Variants in UHRF1 observed in about 807,000 individuals in gnomAD.
UHRF1 encodes E3 ubiquitin-protein ligase UHRF1.
Under a neutral mutation model 96.5 loss-of-function variants are expected in UHRF1, and 9 were observed. The ratio of observed to expected loss-of-function variants is 0.09; its 90% confidence interval spans 0.06 to 0.16. The LOEUF (loss-of-function observed/expected upper bound fraction) is 0.16. Ranked by LOEUF, UHRF1 falls within the 10% of genes least tolerant of loss-of-function variation. UHRF1 has a pLI of 1.00. For synonymous variants in UHRF1, 455 were observed against 469.9 expected (o/e 0.97, Z 0.41); for missense variants, 626 against 1,131.1 (o/e 0.55, Z 6.40).
intron 16 of UHRF1, among the ~76,000 whole-genome samples, chr19:4,957,166 G>A (rs17880728): frequency 6.6e-6 from 1 of 152,148 alleles, no homozygotes; most frequent in Non-Finnish European, 1.5e-5. Flanking sequence ...GACAGCAGGT[G>A]AAGAAGCCTG....
At chr19:4,941,975 T>G in intron 7 of UHRF1, 44 bp downstream of exon 7, 1 of 1,434,438 alleles carries the variant, frequency 7.0e-7, no homozygotes, top group Non-Finnish European at 9.2e-7. Context: ...GAGCGCCCCC[T>G]ACAAATCCCC....
In UHRF1 at chr19:4,909,524, C is replaced by T. The variant is rs1420285651; in HGVS notation, c.-142C>T. On this transcript the variant is annotated 5_prime_UTR_variant, in exon 1 of 17. Transcript: ENST00000650932. ...TCAGAGCAGCTGGCAGCGCGGCGGGCAGCGTTTGCCGAGCGGGCGCTCCGG... is the reference window on the plus strand; with the variant it reads ...TCAGAGCAGCTGGCAGCGCGGCGGGTAGCGTTTGCCGAGCGGGCGCTCCGG... 30 of 658,210 alleles carry T rather than the reference C, an allele frequency of 4.6e-5. No individual in the cohort carries two copies. The highest frequency in any genetic ancestry group is 4.7e-5 in the Non-Finnish European group (17 of 365,186). The allele number at this position is 658,210 out of a possible 1,614,324, so 40.8% of individuals were successfully genotyped here.
intron 16 of UHRF1, among the ~76,000 whole-genome samples, chr19:4,958,806 T>C (rs1277005784): frequency 6.6e-6 from 1 of 152,002 alleles, no homozygotes; most frequent in South Asian, 2.1e-4. Context: ...ACCCCATCTC[T>C]ACTAAAAATT....
intron 2 of UHRF1, among the ~76,000 whole-genome samples, chr19:4,928,003 A>C (rs1293347686): frequency 2.6e-5 from 4 of 152,184 alleles, no homozygotes; most frequent in Non-Finnish European, 5.9e-5. Flanking sequence ...TAATGCGTGC[A>C]GCCTCCTGGG....
chr19:4,927,262 C>A (rs977453274), intron 2 of UHRF1, among the ~76,000 whole-genome samples: 2 of 150,512 alleles, frequency 1.3e-5, no homozygotes, highest in African/African-American at 4.9e-5. Flanking sequence ...TGCCTATAGT[C>A]CCAAGCTACT....
rs1002524654 is a variant in UHRF1, at chr19:4,915,031, C to A, written c.153+3993C>A. Among the ~76,000 whole-genome samples the A allele has an allele frequency of 2.0e-5, 3 of 152,252 alleles. No individual in the cohort carries two copies. In the East Asian group the frequency reaches 5.8e-4, roughly 29 times the overall value. On this transcript the variant is annotated intron_variant, in intron 2 of 16. Transcript: ENST00000650932. Reference sequence around the variant, plus strand: ...GAGCAGCGTCCCTGGCCTCCACCCACTCCATGCCAGAGCATCCTGCCCTAC... The same window carrying A: ...GAGCAGCGTCCCTGGCCTCCACCCAATCCATGCCAGAGCATCCTGCCCTAC...
intron 2 of UHRF1, among the ~76,000 whole-genome samples, chr19:4,914,545 G>A (rs896961905): frequency 3.3e-5 from 5 of 152,118 alleles, no homozygotes; most frequent in Admixed American, 3.3e-4. Flanking sequence ...TAGGGTGACA[G>A]TGATGTCACT....
At chr19:4,926,768 G>GAA (rs371038776) in intron 2 of UHRF1, among the ~76,000 whole-genome samples, 1 of 137,564 alleles carries the variant, frequency 7.3e-6, no homozygotes, top group African/African-American at 2.6e-5. Context: ...CTTTCTAAAG[G>GAA]AAAAAAAAAA....
At chr19:4,939,886 T>C (rs1327929241) in intron 5 of UHRF1, among the ~76,000 whole-genome samples, 1 of 151,790 alleles carries the variant, frequency 6.6e-6, no homozygotes. Flanking sequence ...TAGCCAGGCG[T>C]GGTGGCGGGT....
intron 5 of UHRF1, among the ~76,000 whole-genome samples, chr19:4,939,213 C>A (rs570703542): frequency 7.4e-6 from 1 of 135,590 alleles, no homozygotes; most frequent in Admixed American, 8.1e-5. Context: ...CCACTGCACC[C>A]GGCCATTTTT....
At chr19:4,905,648 G>C (rs1195980442), upstream of UHRF1, among the ~76,000 whole-genome samples, 1 of 152,022 alleles carries the variant, frequency 6.6e-6, no homozygotes, top group Admixed American at 6.6e-5. Context: ...CTCCCGAGTA[G>C]CTGGGATTAT....
intron 2 of UHRF1, among the ~76,000 whole-genome samples, chr19:4,927,110 G>A (rs370852859): frequency 4.6e-5 from 7 of 151,958 alleles, no homozygotes; most frequent in Middle Eastern, 3.4e-3. Context: ...GCCGGGTACT[G>A]TGGTTCATGC....
chr19:4,941,399 C>A lies in UHRF1; in HGVS notation c.786-129C>A. 4 of 682,434 alleles carry A rather than the reference C, an allele frequency of 5.9e-6. No homozygotes were observed. In the South Asian group the frequency reaches 7.1e-5, roughly 12 times the overall value. 42.3% of individuals were successfully genotyped at this position (682,434 alleles called of 1,614,324 possible). On this transcript the variant is annotated intron_variant, in intron 5 of 16. Coordinates refer to ENST00000650932, the MANE Select transcript of UHRF1 (RefSeq NM_001048201.3). ...TTTCATGTTGCTTCTGTGAGTGCAG[C>A]TTTGATTGCTAGGGGGCGTAGCTGA...
chr19:4,944,128 G>A lies in UHRF1; in HGVS notation c.1074-4G>A, dbSNP rs1483790486. ...CGTGGGCAGTGACAATCCCGACCTC[G>A]CAGGTACTGCCCTGAGTGCCGGAAT... On this transcript the variant is annotated splice_region_variant and splice_polypyrimidine_tract_variant and intron_variant, in intron 7 of 16. Transcript: ENST00000650932. 1.2e-5 allele frequency: 19 copies of A among 1,613,550 alleles called. No individual in the cohort carries two copies. Among genetic ancestry groups the A allele is most frequent in the South Asian group, 6.6e-5 (6 of 91,060 alleles).
At chr19:4,959,368 G>A (rs1268170022) in intron 16 of UHRF1, among the ~76,000 whole-genome samples, 1 of 152,122 alleles carries the variant, frequency 6.6e-6, no homozygotes, top group African/African-American at 2.4e-5. Context: ...AGGCTGCCTG[G>A]GGCAGGTGAC....
At chr19:4,917,714 G>A (rs1050481388) in intron 2 of UHRF1, among the ~76,000 whole-genome samples, 1 of 149,732 alleles carries the variant, frequency 6.7e-6, no homozygotes, top group South Asian at 2.1e-4. Context: ...CTGGAGTGCA[G>A]CGGCGTGATC....
chr19:4,921,496 T>C (rs1816858478), intron 2 of UHRF1, among the ~76,000 whole-genome samples: 1 of 152,018 alleles, frequency 6.6e-6, no homozygotes, highest in Non-Finnish European at 1.5e-5. Context: ...GGCTGGGTCC[T>C]GTAATCCCAG....
chr19:4,924,700 C>G (rs2146316899), intron 2 of UHRF1, among the ~76,000 whole-genome samples: 1 of 152,270 alleles, frequency 6.6e-6, no homozygotes, highest in South Asian at 2.1e-4. Flanking sequence ...CATAGCCGCC[C>G]CCACTGTCAG....
intron 8 of UHRF1, 33 bp from the exon 9 acceptor site, chr19:4,944,310 C>G (rs1190926337): frequency 3.7e-6 from 6 of 1,613,896 alleles, no homozygotes; most frequent in Non-Finnish European, 5.1e-6. Flanking sequence ...CCAGGGCTCA[C>G]GCTGTTGTTC....
Sources: gnomAD v4.1 joint callset for allele counts (sites outside exome capture counted in the v4.1 genomes callset) on GRCh38, gnomAD v4.1.1 for gene constraint, MANE v1.5 for transcripts, NCBI Gene and HGNC (gene_info 2026-07-23, HGNC 2026-07-21) for gene names.